PTCH1: variants seen among roughly 807,000 people sequenced by gnomAD.
The protein encoded by PTCH1 is protein patched homolog 1.
In PTCH1, 14 loss-of-function variants were observed where a neutral mutation model predicts 144.6. The observed-to-expected ratio is 0.10, with a 90% confidence interval of 0.06 to 0.15. The LOEUF (loss-of-function observed/expected upper bound fraction) is 0.15. PTCH1 is among the 10% of genes least tolerant of loss of function. The pLI is 1.00. For synonymous variants in PTCH1, 833 were observed against 793.6 expected, an observed-to-expected ratio of 1.05 and a Z score of -0.83; for missense variants, 1,623 against 1,948.3, an observed-to-expected ratio of 0.83 and a Z score of 3.14.
chr9:95,499,775 C>T (rs1341845129), intron 2 of PTCH1, among the ~76,000 whole-genome samples: 1 of 151,762 alleles, frequency 6.6e-6, no homozygotes, highest in Non-Finnish European at 1.5e-5. Context: ...TTTTAAAAGC[C>T]AAAAAACCTT....
At chr9:95,504,339 C>G (rs1179708489) in intron 2 of PTCH1, among the ~76,000 whole-genome samples, 1 of 152,206 alleles carries the variant, frequency 6.6e-6, no homozygotes, top group African/African-American at 2.4e-5. Context: ...CACTGCATCT[C>G]CTTCCAGGAC....
chr9:95,506,968 C>T, intron 1 of PTCH1: 1 of 1,009,926 alleles, frequency 9.9e-7, no homozygotes, highest in Non-Finnish European at 1.2e-6. Context: ...GCTGCGTAAT[C>T]CCAGCGATGG....
intron 2 of PTCH1, chr9:95,494,135 C>G (rs1288769374): frequency 2.2e-6 from 2 of 903,446 alleles, no homozygotes; most frequent in Admixed American, 6.2e-5. Context: ...CGCAGGCGCT[C>G]GCGCGGGGTT....
chr9:95,505,982 T>A (rs1410352885), intron 2 of PTCH1, among the ~76,000 whole-genome samples: 1 of 146,566 alleles, frequency 6.8e-6, no homozygotes, highest in African/African-American at 2.5e-5. Context: ...GACTCCTTTT[T>A]CTTTGGACGC....
rs1256634954 is a variant in PTCH1 at position 95,515,355 on chromosome 9, CAGGG to C, written c.3+1110_3+1113del. Among the ~76,000 whole-genome samples, 3 of 152,236 alleles carry C rather than the reference CAGGG, an allele frequency of 2.0e-5. No individual in the cohort carries two copies. The East Asian group carries it at 5.8e-4, about 29-fold the overall frequency. On this transcript the variant is annotated intron_variant, in intron 1 of 22. Transcript: ENST00000430669. ...CTAGTTCTTTTGTATTTCTCCTCCC[CAGGG>C]AGGAAGAAAGGATAAAAAGGGAGGA... is the stretch of plus-strand genomic sequence containing the variant.
At chr9:95,511,972 C>T (rs1021712479), upstream of PTCH1, among the ~76,000 whole-genome samples, 4 of 152,164 alleles carry the variant, frequency 2.6e-5, no homozygotes, top group African/African-American at 9.7e-5. Flanking sequence ...CACGTTTTGG[C>T]CCAAAACTAT....
chr9:95,505,602 G>A (rs988960080), intron 2 of PTCH1, among the ~76,000 whole-genome samples: 5 of 152,094 alleles, frequency 3.3e-5, no homozygotes, highest in African/African-American at 7.2e-5. Flanking sequence ...CCTCTGAGAG[G>A]TCCCTTCAAC....
At chr9:95,504,522 T>G (rs767994510) in intron 2 of PTCH1, among the ~76,000 whole-genome samples, 6 of 152,242 alleles carry the variant, frequency 3.9e-5, no homozygotes, top group Non-Finnish European at 8.8e-5. Context: ...AAATACAGGT[T>G]GGATCAAGTG....
intron 1 of PTCH1, chr9:95,507,485 C>A: frequency 1.0e-6 from 1 of 971,300 alleles, no homozygotes; most frequent in Non-Finnish European, 1.2e-6. Flanking sequence ...AGACTCGCAC[C>A]GCGAATTTAA....
chr9:95,465,415 T>A (rs1326139677), intron 15 of PTCH1, among the ~76,000 whole-genome samples: 3 of 152,202 alleles, frequency 2.0e-5, no homozygotes, highest in Admixed American at 1.3e-4. Flanking sequence ...CTCTTTTAAC[T>A]CATTATCCCA....
intron 20 of PTCH1, chr9:95,452,356 C>CACACACACACACACAA (rs772065761): frequency 6.6e-6 from 1 of 150,910 alleles, no homozygotes; most frequent in African/African-American, 2.4e-5. Context: ...CACACACACA[C>CACACACACACACACAA]AACCTCTCAG....
intron 2 of PTCH1, chr9:95,495,120 G>A (rs975960586): frequency 2.6e-5 from 4 of 152,220 alleles, no homozygotes; most frequent in Non-Finnish European, 4.4e-5. Flanking sequence ...TCACGTCACT[G>A]GGGGCCACTT....
At chr9:95,454,900 G>C (rs574032443) in intron 19 of PTCH1, among the ~76,000 whole-genome samples, 1 of 152,322 alleles carries the variant, frequency 6.6e-6, no homozygotes, top group Non-Finnish European at 1.5e-5. Flanking sequence ...CATTTCCATG[G>C]TAAAAATCTG....
At chr9:95,450,187 A>T (rs1838343753) in intron 20 of PTCH1, 1 of 534,748 alleles carries the variant, frequency 1.9e-6, no homozygotes, top group African/African-American at 1.9e-5. Context: ...AAGAAAAAAA[A>T]AATTAGTTTG....
intron 16 of PTCH1, among the ~76,000 whole-genome samples, chr9:95,461,176 G>A (rs1839424340): frequency 6.6e-6 from 1 of 152,124 alleles, no homozygotes; most frequent in Non-Finnish European, 1.5e-5. Context: ...ACCAAAAGGG[G>A]TATGCTGGAA....
At chr9:95,460,772 G>C (rs1312007974) in intron 16 of PTCH1, among the ~76,000 whole-genome samples, 1 of 152,108 alleles carries the variant, frequency 6.6e-6, no homozygotes, top group Non-Finnish European at 1.5e-5. Context: ...ATGGTATCTG[G>C]GGGTCTGGCC....
upstream of PTCH1, chr9:95,514,262 T>C (rs1420139310): frequency 6.6e-6 from 1 of 152,254 alleles, no homozygotes; most frequent in East Asian, 1.9e-4. Flanking sequence ...CTCTCATGGA[T>C]AGAGATGTAT....
intron 1 of PTCH1, chr9:95,506,880 CAGAAG>C: frequency 8.6e-7 from 1 of 1,159,524 alleles, no homozygotes; most frequent in Non-Finnish European, 1.1e-6. Flanking sequence ...GGCTGCAATA[CAGAAG>C]AGGAAGCCGA....
At chr9:95,516,320 G>T in intron 1 of PTCH1, 2 of 419,178 alleles carry the variant, frequency 4.8e-6, no homozygotes, top group Non-Finnish European at 6.4e-6. Flanking sequence ...CGGCCCCGGC[G>T]CGCGGCCCGC....
Sources: gnomAD v4.1 joint callset for allele counts (sites outside exome capture counted in the v4.1 genomes callset) on GRCh38, gnomAD v4.1.1 for gene constraint, MANE v1.5 for transcripts, NCBI Gene and HGNC (gene_info 2026-07-23, HGNC 2026-07-21) for gene names.